The following DENND1C variants were observed in gnomAD, a reference collection of about 807,000 sequenced individuals.
DENND1C encodes the protein DENN domain containing 1C, also known as DENN domain-containing protein 1C.
In DENND1C, 64 loss-of-function variants were observed where a neutral mutation model predicts 87.9. That is an observed-to-expected ratio of 0.73 (90% CI 0.60 to 0.90). The LOEUF (loss-of-function observed/expected upper bound fraction) is 0.90, where lower values mean the gene tolerates loss of function less well. DENND1C is among the 40% of genes least tolerant of loss of function. The probability of loss-of-function intolerance (pLI) is 0.00; values close to 1 mark genes in which losing one functional copy is unlikely to be tolerated. For synonymous variants in DENND1C, 384 were observed against 424.4 expected (o/e 0.90, Z 1.17); for missense variants, 980 against 1,037.0 (o/e 0.95, Z 0.76).
intron 18 of DENND1C, chr19:6,470,083 G>C (rs774909160): frequency 3.7e-6 from 2 of 545,390 alleles, no homozygotes; most frequent in Non-Finnish European, 6.4e-6. Context: ...GAGGGGGGCG[G>C]GTAGGATTCC....
chr19:6,479,287 G>A (rs2092883360), intron 4 of DENND1C, among the ~76,000 whole-genome samples: 1 of 149,520 alleles, frequency 6.7e-6, no homozygotes, highest in South Asian at 2.1e-4. Context: ...CTGGATCTCT[G>A]GGTCCTTGAA....
chr19:6,481,280 C>T (rs1568403383), intron 1 of DENND1C, among the ~76,000 whole-genome samples: 2 of 151,920 alleles, frequency 1.3e-5, no homozygotes, highest in Non-Finnish European at 2.9e-5. Context: ...GGTACCCCAG[C>T]ACTTCACCCT....
At chr19:6,481,605 A>C in intron 1 of DENND1C, 74 bp downstream of exon 1, 2 of 1,600,926 alleles carry the variant, frequency 1.2e-6, no homozygotes, top group Non-Finnish European at 1.7e-6. Flanking sequence ...CTCCAGCCCC[A>C]GCTCCCCTCT....
At chr19:6,479,574 G>A (rs1324736764) in intron 4 of DENND1C, 95 bp downstream of exon 4, 2 of 1,509,476 alleles carry the variant, frequency 1.3e-6, no homozygotes, top group African/African-American at 2.8e-5. Context: ...TCGAGTGTAT[G>A]GGTTTCCAGA....
At position 6,471,464 on chromosome 19, in the gene DENND1C, C is replaced by G; in HGVS notation, c.1191G>C (p.Lys397Asn). 1 of 1,577,164 alleles carries G rather than the reference C, an allele frequency of 6.3e-7. No individual in the cohort carries two copies. Among genetic ancestry groups the G allele is most frequent in the Admixed American group, 1.8e-5 (1 of 54,502 alleles). ...CGAATTGATCTGAGAAGCCCTCCCC[C>G]TTGTTGAGCTTCTCCAGCCGGGCTT... is the stretch of plus-strand genomic sequence containing the variant. ...FIEARLEKLN[K>N]GEGFSDQFEQ... is the part of the protein sequence containing the mutation. The change falls in exon 16 of 23, where the codon AAG (lysine) becomes AAC (asparagine). Residue 397 changes from lysine (K) to asparagine (N), a missense_variant. Coordinates refer to ENST00000381480, the MANE Select transcript of DENND1C (RefSeq NM_024898.4).
chr19:6,471,405 C>A lies in DENND1C; in HGVS notation c.1249+1G>T. ...ACCCAGGGGCTGGACTCAGGGCTCA[C>A]CTGAGGAGGCCCCGCAGCCAGTGAT... is the stretch of plus-strand genomic sequence containing the variant. On this transcript the variant is annotated splice_donor_variant, in intron 16 of 22. Coordinates refer to ENST00000381480, the MANE Select transcript of DENND1C (RefSeq NM_024898.4). LOFTEE classifies it high-confidence loss of function. The A allele has an allele frequency of 1.3e-6, 2 of 1,585,318 alleles. No homozygotes were observed. Among genetic ancestry groups the A allele is most frequent in the Non-Finnish European group, 1.7e-6 (2 of 1,166,072 alleles).
chr19:6,475,191 C>T, intron 14 of DENND1C, 83 bp downstream of exon 14: 1 of 1,591,804 alleles, frequency 6.3e-7, no homozygotes, highest in Non-Finnish European at 8.5e-7. Context: ...GCCACTGCGT[C>T]CGGCCATCTA....
At position 6,479,252 on chromosome 19, in the gene DENND1C, C is replaced by T. The variant is rs535462619; in HGVS notation, c.177-196G>A. Among the ~76,000 whole-genome samples, 180 of 149,660 alleles carry T rather than the reference C, an allele frequency of 1.2e-3. 2 individuals carry two copies. Among genetic ancestry groups the T allele is most frequent in the African/African-American group, 4.1e-3 (164 of 39,616 alleles). ...CCCTGGATCTCTGGGTCCCTGAGTC[C>T]CTGGGTCCCTGGATCTCTGGGTTTC... On this transcript the variant is annotated intron_variant, in intron 4 of 22. Transcript: ENST00000381480.
At chr19:6,473,219 A>G (rs1357215911) in intron 14 of DENND1C, among the ~76,000 whole-genome samples, 2 of 152,112 alleles carry the variant, frequency 1.3e-5, no homozygotes, top group Non-Finnish European at 2.9e-5. Context: ...CAGTGGCGTG[A>G]TCTCAGCTCA....
intron 1 of DENND1C, 108 bp from the exon 2 acceptor site, chr19:6,480,159 G>A (rs1308172766): frequency 1.3e-5 from 20 of 1,517,728 alleles, no homozygotes; most frequent in African/African-American, 2.8e-5. Flanking sequence ...AAGGTGCGTC[G>A]GCATGTGCAT....
rs1568400060 is a variant in DENND1C at position 6,477,378 on chromosome 19, C to G, written c.447G>C (p.Leu149=). 6.2e-7 allele frequency: 1 copy of G among 1,613,504 alleles called. No individual in the cohort carries two copies. The highest frequency in any genetic ancestry group is 2.2e-5 in the East Asian group (1 of 44,830). ...SGPQASVGLE[L]GSGVTVSSGQ... ...CGCCCAGGGAATGGGAGCTACTCAC[C>G]AGCTCAAGCCCCACTGAGGCCTGGG... is the stretch of plus-strand genomic sequence containing the variant. Residue 149 remains leucine (L), a splice_region_variant and synonymous_variant, in exon 7 of 23, where the codon CTG becomes CTC. Transcript: ENST00000381480.
intron 1 of DENND1C, among the ~76,000 whole-genome samples, chr19:6,480,964 C>T (rs889152701): frequency 1.3e-5 from 2 of 151,804 alleles, no homozygotes; most frequent in African/African-American, 4.8e-5. Flanking sequence ...TGAATGACAT[C>T]TATATTTTCC....
chr19:6,476,042 T>A (rs1183802090), intron 10 of DENND1C, 105 bp from the exon 11 acceptor site: 18 of 1,058,556 alleles, frequency 1.7e-5, no homozygotes, highest in Non-Finnish European at 2.3e-5. Context: ...CCCCTCCCCA[T>A]CCACTGCTGG....
At position 6,479,666 on chromosome 19, in the gene DENND1C, T is replaced by C. The variant is rs1241904848; in HGVS notation, c.176+3A>G. The C allele has an allele frequency of 6.2e-7, 1 of 1,613,876 alleles. No individual in the cohort carries two copies. Among genetic ancestry groups the C allele is most frequent in the Admixed American group, 1.7e-5 (1 of 59,994 alleles). On this transcript the variant is annotated splice_donor_region_variant and intron_variant, in intron 4 of 22. Coordinates refer to ENST00000381480, the MANE Select transcript of DENND1C (RefSeq NM_024898.4). ...GTCCTTGGATCTCCCCGCCCTTCCGTACCTTTCCACATCAAAAGGGAAGCA... is the reference window on the plus strand; with the variant it reads ...GTCCTTGGATCTCCCCGCCCTTCCGCACCTTTCCACATCAAAAGGGAAGCA...
Position 6,473,463 on chromosome 19 carries a change from T to TG in DENND1C, c.1054-471_1054-470insC, listed in dbSNP as rs2092841124. 4.2e-5 allele frequency among the ~76,000 whole-genome samples: 3 copies of TG among 71,820 alleles called. No homozygotes were observed. In the South Asian group the frequency reaches 1.7e-3, roughly 41 times the overall value. The allele number at this position is 71,820 out of a possible 152,430, so 47.1% of individuals were successfully genotyped here. A position where few individuals can be genotyped will look rare whatever the true frequency, so the allele number is the denominator to read the frequency against. On this transcript the variant is annotated intron_variant, in intron 14 of 22. Transcript: ENST00000381480. ...CCACCGCGCCCAGCCCTGGTTTTTT[T>TG]TTTTTTTTTTTTCATTTCTTTTTTT...
At chr19:6,479,150 T>C in intron 4 of DENND1C, 94 bp from the exon 5 acceptor site, 44 of 1,527,608 alleles carry the variant, frequency 2.9e-5, no homozygotes, top group Non-Finnish European at 3.9e-5. Context: ...CCTGAGTGTA[T>C]GGGTCTCTAG....
intron 10 of DENND1C, 68 bp downstream of exon 10, chr19:6,476,789 C>T: frequency 1.3e-6 from 2 of 1,488,516 alleles, no homozygotes; most frequent in Non-Finnish European, 1.8e-6. Context: ...GGAATCAGCC[C>T]CCTTGTCCCG....
chr19:6,467,512 C>T lies in DENND1C; in HGVS notation c.2398G>A (p.Glu800Lys), dbSNP rs1437146414. 7 of 1,589,276 alleles carry T rather than the reference C, an allele frequency of 4.4e-6. No homozygotes were observed. Among genetic ancestry groups the T allele is most frequent in the Admixed American group, 1.8e-5 (1 of 55,976 alleles). ...PRVADLKKCF[E>K]G is the part of the protein sequence containing the mutation. Reference sequence around the variant, plus strand: ...TCTTGGACCCCTGATTCTTAACCCTCAAAGCACTTCTTAAGATCAGCGACT... The same window carrying T: ...TCTTGGACCCCTGATTCTTAACCCTTAAAGCACTTCTTAAGATCAGCGACT... Residue 800 changes from glutamate (E) to lysine (K), a missense_variant, in exon 23 of 23, where the codon GAG (glutamate) becomes AAG (lysine). By Grantham distance (56) the Glu-to-Lys change is moderately conservative (BLOSUM62 1). Coordinates refer to ENST00000381480, the MANE Select transcript of DENND1C (RefSeq NM_024898.4).
rs1224469103 is a variant in DENND1C, at chr19:6,479,984, C to T, written c.82+3G>A. On this transcript the variant is annotated splice_donor_region_variant and intron_variant, in intron 2 of 22. Transcript: ENST00000381480. ...CTCCCTCACTCCCAGGCTCCCAACT[C>T]ACCCTCCTGCAGGGAGGCAGGGCAG... 1 of 1,552,472 alleles carries T rather than the reference C, an allele frequency of 6.4e-7. No homozygotes were observed. Among genetic ancestry groups the T allele is most frequent in the Admixed American group, 1.7e-5 (1 of 57,354 alleles).
Sources: allele counts gnomAD v4.1 joint callset (sites outside exome capture counted in the v4.1 genomes callset), GRCh38; gene constraint gnomAD v4.1.1; transcripts MANE v1.5; gene names NCBI Gene and HGNC (gene_info 2026-07-23, HGNC 2026-07-21).